LIPH: variants seen among roughly 807,000 people sequenced by gnomAD.
The protein encoded by LIPH is lipase member H.
LIPH carries 32 observed loss-of-function variants against 47.6 expected under a neutral mutation model. The ratio of observed to expected loss-of-function variants is 0.67; its 90% CI spans 0.51 to 0.90. LIPH has a LOEUF of 0.90. LIPH is among the 40% of genes least tolerant of loss of function. LIPH has a pLI of 0.00. For missense variants in LIPH, 497 were observed against 541.4 expected (o/e 0.92, Z 0.81); for synonymous variants, 190 against 195.6 (o/e 0.97, Z 0.24).
chr3:185,509,489 G>T (rs926399618), intron 9 of LIPH, among the ~76,000 whole-genome samples: 3 of 151,818 alleles, frequency 2.0e-5, no homozygotes, highest in Admixed American at 6.6e-5. Flanking sequence ...AATTAGCTGG[G>T]CGTGGTCGCG....
Position 185,534,908 on chromosome 3 carries a change from C to T in LIPH, c.274G>A (p.Val92Ile). 6.2e-7 allele frequency: 1 copy of T among 1,613,980 alleles called. No homozygotes were observed. Reference sequence around the variant, plus strand: ...TCTTCAACAGAGAGCAAACCCTTTACTAAGTCATCCATCCAAACAGGAGGG... The same window carrying T: ...TCTTCAACAGAGAGCAAACCCTTTATTAAGTCATCCATCCAAACAGGAGGG... ...GSPPVWMDDL[V>I]KGLLSVEDMN... is the part of the protein sequence containing the mutation. The change falls in exon 2 of 10, where the codon GTA becomes ATA. Residue 92 changes from valine (V) to isoleucine (I), a missense_variant. By Grantham distance (29) the Val-to-Ile change is conservative (BLOSUM62 3). Coordinates refer to ENST00000296252, the MANE Select transcript of LIPH (RefSeq NM_139248.3).
intron 1 of LIPH, among the ~76,000 whole-genome samples, chr3:185,542,308 T>C (rs1036869212): frequency 2.0e-5 from 3 of 152,114 alleles, no homozygotes; most frequent in Middle Eastern, 6.8e-3. Flanking sequence ...TTGCTTCCTG[T>C]GCTTTTTCTT....
intron 8 of LIPH, among the ~76,000 whole-genome samples, chr3:185,514,011 C>A (rs1451841083): frequency 6.6e-6 from 1 of 152,082 alleles, no homozygotes; most frequent in Non-Finnish European, 1.5e-5. Context: ...TGTATGTATA[C>A]AATGTGGGAT....
chr3:185,517,188 A>G lies in LIPH; in HGVS notation c.887-26T>C, dbSNP rs1244311574. On this transcript the variant is annotated intron_variant, in intron 6 of 9. Coordinates refer to ENST00000296252, the MANE Select transcript of LIPH (RefSeq NM_139248.3). ...CTATGAAACAAGTTTAAAAAATTGT[A>G]AGATTAATATGTATTATACAAACAT... 3 of 1,225,976 alleles carry G rather than the reference A, an allele frequency of 2.4e-6. No homozygotes were observed. The African/African-American group carries it at 4.4e-5, about 18-fold the overall frequency. 75.9% of individuals were successfully genotyped at this position (1,225,976 alleles called of 1,614,324 possible). A position where few individuals can be genotyped will look rare whatever the true frequency, so the allele number is the denominator to read the frequency against.
intron 9 of LIPH, among the ~76,000 whole-genome samples, chr3:185,511,026 C>T (rs1719545074): frequency 6.6e-6 from 1 of 152,104 alleles, no homozygotes; most frequent in African/African-American, 2.4e-5. Context: ...TCTTGGATTA[C>T]TGGGCTACCT....
intron 3 of LIPH, among the ~76,000 whole-genome samples, chr3:185,532,771 C>T (rs1720374146): frequency 6.6e-6 from 1 of 152,044 alleles, no homozygotes; most frequent in Non-Finnish European, 1.5e-5. Flanking sequence ...GCCTGGGTGA[C>T]AGAGTGAGAC....
At chr3:185,549,175 G>A (rs564055555) in intron 1 of LIPH, among the ~76,000 whole-genome samples, 78 of 151,812 alleles carry the variant, frequency 5.1e-4, no homozygotes, top group Non-Finnish European at 1.0e-3. Flanking sequence ...TACCCTGGGC[G>A]GAGACAGGCA....
rs1362206676 is a variant in LIPH at position 185,524,238 on chromosome 3, G to A, written c.629-78C>T. On this transcript the variant is annotated intron_variant, in intron 4 of 9. Transcript: ENST00000296252. ...CAGCTCATTTGCCTGCCAGGTATAA[G>A]CAGGAATTGTATTATTATTGTTGTT... 13 of 826,950 alleles carry A rather than the reference G, an allele frequency of 1.6e-5. No individual in the cohort carries two copies. The East Asian group carries it at 3.0e-4, about 19-fold the overall frequency. The allele number at this position is 826,950 out of a possible 1,614,324, so 51.2% of individuals were successfully genotyped here. A position where few individuals can be genotyped will look rare whatever the true frequency, so the allele number is the denominator to read the frequency against.
chr3:185,508,548 A>G lies in LIPH; in HGVS notation c.*242T>C, dbSNP rs1443893571. On this transcript the variant is annotated 3_prime_UTR_variant, in exon 10 of 10. Coordinates refer to ENST00000296252, the MANE Select transcript of LIPH (RefSeq NM_139248.3). ...GGAGGCCCCAGGACACAGCAGACACAGCGCTGCGCTGCTGCGAGCCTGGCT... is the reference window on the plus strand; with the variant it reads ...GGAGGCCCCAGGACACAGCAGACACGGCGCTGCGCTGCTGCGAGCCTGGCT... 7.7e-6 allele frequency: 4 copies of G among 517,018 alleles called. No individual in the cohort carries two copies. Among genetic ancestry groups the G allele is most frequent in the African/African-American group, 5.8e-5 (3 of 51,992 alleles). 32.0% of individuals were successfully genotyped at this position (517,018 alleles called of 1,614,324 possible). A position where few individuals can be genotyped will look rare whatever the true frequency, so the allele number is the denominator to read the frequency against.
chr3:185,508,540 G>A lies in LIPH; in HGVS notation c.*250C>T. On this transcript the variant is annotated 3_prime_UTR_variant, in exon 10 of 10. Transcript: ENST00000296252. Reference sequence around the variant, plus strand: ...GGAACAAGGGAGGCCCCAGGACACAGCAGACACAGCGCTGCGCTGCTGCGA... The same window carrying A: ...GGAACAAGGGAGGCCCCAGGACACAACAGACACAGCGCTGCGCTGCTGCGA... 2.0e-6 allele frequency: 1 copy of A among 504,220 alleles called. No homozygotes were observed. The highest frequency in any genetic ancestry group is 3.6e-6 in the Non-Finnish European group (1 of 277,986). The allele number at this position is 504,220 out of a possible 1,614,324, so 31.2% of individuals were successfully genotyped here.
chr3:185,519,069 T>G lies in LIPH; in HGVS notation c.886+73A>C, dbSNP rs549302536. ...AATTATGGGGCCAGTTTTTACATGA[T>G]AAAGTGGTTCTGGGATTCATACCAA... is the stretch of plus-strand genomic sequence containing the variant. On this transcript the variant is annotated intron_variant, in intron 6 of 9. Coordinates refer to ENST00000296252, the MANE Select transcript of LIPH (RefSeq NM_139248.3). 186 of 1,292,660 alleles carry G rather than the reference T, an allele frequency of 1.4e-4. 3 individuals carry two copies. In the South Asian group the frequency reaches 2.1e-3, roughly 15 times the overall value. 80.1% of individuals were successfully genotyped at this position (1,292,660 alleles called of 1,614,324 possible). A position where few individuals can be genotyped will look rare whatever the true frequency, so the allele number is the denominator to read the frequency against.
Position 185,533,573 on chromosome 3 carries a change from G to A in LIPH, c.524C>T (p.Thr175Ile), listed in dbSNP as rs1720403647. The change falls in exon 3 of 10, where the codon ACA (threonine) becomes ATA (isoleucine). Residue 175 changes from threonine (T) to isoleucine (I), a missense_variant and splice_region_variant. Transcript: ENST00000296252. ...CATGCCCATTCACAGGCACTTACCT[G>A]TAATTCTCCCCAGCCATCCATCGTA... ...EMYDGWLGRI[T>I]GLDPAGPLFN... 3.7e-6 allele frequency: 6 copies of A among 1,607,352 alleles called. No homozygotes were observed. The highest frequency in any genetic ancestry group is 2.2e-5 in the East Asian group (1 of 44,832).
At chr3:185,542,376 C>T (rs1275688442) in intron 1 of LIPH, among the ~76,000 whole-genome samples, 6 of 151,166 alleles carry the variant, frequency 4.0e-5, no homozygotes, top group Non-Finnish European at 5.9e-5. Context: ...AGTGCAGTGG[C>T]GAGATCTCGG....
At chr3:185,511,758 T>C in intron 8 of LIPH, 61 bp from the exon 9 acceptor site, 1 of 1,221,894 alleles carries the variant, frequency 8.2e-7, no homozygotes, top group South Asian at 1.2e-5. Context: ...AAAGCAGTTT[T>C]GAAGCCTGCA....
At chr3:185,509,537 G>A (rs1042017019) in intron 9 of LIPH, among the ~76,000 whole-genome samples, 1 of 150,684 alleles carries the variant, frequency 6.6e-6, no homozygotes, top group Non-Finnish European at 1.5e-5. Context: ...GGCTGAAGCA[G>A]GAGAATTGCT....
intron 9 of LIPH, among the ~76,000 whole-genome samples, chr3:185,511,221 T>A (rs1455894369): frequency 6.6e-6 from 1 of 151,912 alleles, no homozygotes; most frequent in Non-Finnish European, 1.5e-5. Flanking sequence ...GCTTTCTGTT[T>A]TGGGTTGTTT....
chr3:185,545,729 A>G (rs1720850727), intron 1 of LIPH, among the ~76,000 whole-genome samples: 1 of 152,068 alleles, frequency 6.6e-6, no homozygotes, highest in Admixed American at 6.6e-5. Context: ...AAAACAAAAA[A>G]ACACGTCTTT....
rs1486703895 is a variant in LIPH at position 185,535,437 on chromosome 3, C to T, written c.50-305G>A. 2.6e-5 allele frequency among the ~76,000 whole-genome samples: 4 copies of T among 152,024 alleles called. No homozygotes were observed. In the East Asian group the frequency reaches 7.7e-4, roughly 29 times the overall value. Reference sequence around the variant, plus strand: ...GGACTACAGGTGCATGCCATCATGCCCGCTAATTTGTGTATTTTTTGATAG... The same window carrying T: ...GGACTACAGGTGCATGCCATCATGCTCGCTAATTTGTGTATTTTTTGATAG... On this transcript the variant is annotated intron_variant, in intron 1 of 9. Coordinates refer to ENST00000296252, the MANE Select transcript of LIPH (RefSeq NM_139248.3).
intron 3 of LIPH, among the ~76,000 whole-genome samples, chr3:185,531,362 C>A (rs1366696560): frequency 6.6e-6 from 1 of 152,002 alleles, no homozygotes; most frequent in Admixed American, 6.6e-5. Flanking sequence ...GCCTGGGCAA[C>A]ATGGCGAAAC....
Sources: gnomAD v4.1 joint callset for allele counts (sites outside exome capture counted in the v4.1 genomes callset) on GRCh38, gnomAD v4.1.1 for gene constraint, MANE v1.5 for transcripts, NCBI Gene and HGNC (gene_info 2026-07-23, HGNC 2026-07-21) for gene names.